NPAT: variants seen among roughly 807,000 people sequenced by gnomAD.
The protein encoded by NPAT is nuclear protein, coactivator of histone transcription.
Under a neutral mutation model 130.7 loss-of-function variants are expected in NPAT, and 52 were observed. That is an observed-to-expected ratio of 0.40 (90% CI 0.32 to 0.50). NPAT has a LOEUF of 0.50. Ranked by LOEUF, NPAT falls within the 20% of genes least tolerant of loss-of-function variation. The pLI, the probability that NPAT is intolerant of heterozygous loss-of-function variation, is 0.68. For synonymous variants in NPAT, 580 were observed against 584.8 expected, an observed-to-expected ratio of 0.99 and a Z score of 0.12; for missense variants, 1,687 against 1,662.6, an observed-to-expected ratio of 1.01 and a Z score of -0.26.
chr11:108,177,719 C>G (rs1026080597), intron 10 of NPAT, among the ~76,000 whole-genome samples: 9 of 151,184 alleles, frequency 6.0e-5, no homozygotes, highest in African/African-American at 1.9e-4. Context: ...ATAAAGTTCC[C>G]TTTTTTTTTG....
chr11:108,213,400 T>C (rs79240156), intron 1 of NPAT, among the ~76,000 whole-genome samples: 10 of 152,348 alleles, frequency 6.6e-5, no homozygotes, highest in African/African-American at 2.4e-4. Flanking sequence ...AAGAATGCAA[T>C]GCTAGTTACA....
chr11:108,159,732 C>T (rs910086761), intron 17 of NPAT, among the ~76,000 whole-genome samples: 5 of 152,068 alleles, frequency 3.3e-5, no homozygotes, highest in African/African-American at 9.7e-5. Context: ...AACATAAGGC[C>T]AGGCGCAGTG....
intron 6 of NPAT, 63 bp downstream of exon 6, chr11:108,189,043 A>AT: frequency 5.5e-6 from 7 of 1,273,652 alleles, no homozygotes; most frequent in Non-Finnish European, 6.8e-6. Flanking sequence ...AGACATTAGT[A>AT]TATTATCTCA....
chr11:108,194,099 C>A, intron 2 of NPAT, 82 bp from the exon 3 acceptor site: 1 of 801,400 alleles, frequency 1.2e-6, no homozygotes, highest in Non-Finnish European at 2.1e-6. Flanking sequence ...TACCATTCAA[C>A]TTAATAAAAG....
At chr11:108,217,995 GAAAT>G (rs913674203) in intron 1 of NPAT, among the ~76,000 whole-genome samples, 2 of 151,990 alleles carry the variant, frequency 1.3e-5, no homozygotes, top group African/African-American at 4.8e-5. Flanking sequence ...TCTGTCTCAA[GAAAT>G]AAATAAATAA....
intron 4 of NPAT, 92 bp downstream of exon 4, chr11:108,192,026 T>G: frequency 1.1e-6 from 1 of 876,534 alleles, no homozygotes; most frequent in Non-Finnish European, 2.0e-6. Context: ...GGATGAGTGT[T>G]ATATAAGTAC....
chr11:108,195,758 GC>G (rs2078213648), intron 2 of NPAT, among the ~76,000 whole-genome samples: 1 of 152,088 alleles, frequency 6.6e-6, no homozygotes, highest in Admixed American at 6.6e-5. Context: ...CTCCCAAGCA[GC>G]TGGGACTAAG....
intron 1 of NPAT, among the ~76,000 whole-genome samples, chr11:108,200,013 A>G (rs762990555): frequency 2.2e-4 from 33 of 152,246 alleles, no homozygotes; most frequent in Non-Finnish European, 3.8e-4. Context: ...AGTGTAATTC[A>G]GAACAACTTG....
intron 15 of NPAT, 105 bp downstream of exon 15, chr11:108,169,639 T>C: frequency 1.2e-6 from 1 of 838,036 alleles, no homozygotes. Context: ...GGTGATCACT[T>C]GTTTTAAAAT....
In NPAT at chr11:108,185,250, A is replaced by C. The variant is rs1366069252; in HGVS notation, c.888T>G (p.Asp296Glu). The C allele has an allele frequency of 6.2e-7, 1 of 1,611,692 alleles. No individual in the cohort carries two copies. Among genetic ancestry groups the C allele is most frequent in the South Asian group, 1.1e-5 (1 of 90,586 alleles). Residue 296 changes from aspartate (D) to glutamate (E), a missense_variant, in exon 10 of 18, where the codon GAT becomes GAG. This residue lies in a region of NPAT where 1,379 missense variants were observed against 1,346.6 expected (regional missense o/e 1.02). Coordinates refer to ENST00000278612, the MANE Select transcript of NPAT (RefSeq NM_002519.3). ...CCCATACCGGAAGTCCTAGGAATTCATCAATTGAAGTCTCTGGCTCCGTAG... is the reference window on the plus strand; with the variant it reads ...CCCATACCGGAAGTCCTAGGAATTCCTCAATTGAAGTCTCTGGCTCCGTAG... ...NNPTEPETSI[D>E]EFLGLPSEIH...
At chr11:108,211,220 A>G (rs1053347337) in intron 1 of NPAT, among the ~76,000 whole-genome samples, 1 of 152,044 alleles carries the variant, frequency 6.6e-6, no homozygotes, top group Non-Finnish European at 1.5e-5. Flanking sequence ...GTCTAAAAAA[A>G]AAAAGAAAAG....
intron 1 of NPAT, among the ~76,000 whole-genome samples, chr11:108,216,427 A>G (rs1191482867): frequency 6.6e-6 from 1 of 152,126 alleles, no homozygotes; most frequent in Non-Finnish European, 1.5e-5. Flanking sequence ...TTTATGCATA[A>G]ATCACAGATA....
chr11:108,204,685 C>T (rs982142793), intron 1 of NPAT, among the ~76,000 whole-genome samples: 3 of 152,228 alleles, frequency 2.0e-5, no homozygotes, highest in Non-Finnish European at 2.9e-5. Flanking sequence ...GGCCCAGGAG[C>T]CGCAAGCCAG....
rs4754307 is a variant in NPAT, at chr11:108,218,068, T to C, written c.37+4432A>G. ...TTATCAGTATAATACAAATCGTTAT[T>C]CTACAACTAATATTAGTTATTACTG... On this transcript the variant is annotated intron_variant, in intron 1 of 17. Coordinates refer to ENST00000278612, the MANE Select transcript of NPAT (RefSeq NM_002519.3). 6.4e-3 allele frequency among the ~76,000 whole-genome samples: 974 copies of C among 152,336 alleles called. 32 individuals are homozygous for C. The highest frequency in any genetic ancestry group is 0.058 in the Admixed American group (894 of 15,292).
At chr11:108,172,070 C>A in intron 13 of NPAT, 129 bp downstream of exon 13, 1 of 805,718 alleles carries the variant, frequency 1.2e-6, no homozygotes, top group South Asian at 1.5e-5. Flanking sequence ...GCAGCGTAAT[C>A]ACAAATTTCA....
rs533408029 is a variant in NPAT at position 108,160,837 on chromosome 11, GA to G, written c.4206+42del. The G allele has an allele frequency of 2.1e-5, 33 of 1,551,530 alleles. 1 individual carries two copies. Among genetic ancestry groups the G allele is most frequent in the South Asian group, 1.1e-4 (10 of 87,070 alleles). The stretch of plus-strand genomic sequence containing the variant: ...GCTGAATTCGCTAATCACTAAAGCG[GA>G]AAAAAAAGGTGTGGTTTTGAAATTA... On this transcript the variant is annotated intron_variant, in intron 17 of 17. Transcript: ENST00000278612.
chr11:108,208,517 G>A (rs1179228427), intron 1 of NPAT: 1 of 454,386 alleles, frequency 2.2e-6, no homozygotes, highest in Non-Finnish European at 4.4e-6. Flanking sequence ...GAGCCCAGGA[G>A]GTCGAGGCTG....
Position 108,192,046 on chromosome 11 carries a change from G to T in NPAT, c.290+72C>A, listed in dbSNP as rs1034453501. On this transcript the variant is annotated intron_variant, in intron 4 of 17. Transcript: ENST00000278612. ...AGTGTTATATAAGTACACTGTGTAG[G>T]TCTTAAGAAGATTTAAACCCAAAGT... is the stretch of plus-strand genomic sequence containing the variant. 12 of 992,012 alleles carry T rather than the reference G, an allele frequency of 1.2e-5. No homozygotes were observed. The Admixed American group carries it at 2.0e-4, about 17-fold the overall frequency. 61.5% of individuals were successfully genotyped at this position (992,012 alleles called of 1,614,324 possible).
At chr11:108,192,792 A>G (rs1364684780) in intron 3 of NPAT, among the ~76,000 whole-genome samples, 1 of 152,140 alleles carries the variant, frequency 6.6e-6, no homozygotes, top group Middle Eastern at 3.2e-3. Context: ...TGTCTCTACT[A>G]AAAACACAAA....
Sources: gnomAD v4.1 joint callset for allele counts (sites outside exome capture counted in the v4.1 genomes callset) on GRCh38, gnomAD v4.1.1 for gene constraint, gnomAD v4.1.1 regional missense constraint, MANE v1.5 for transcripts, NCBI Gene and HGNC (gene_info 2026-07-23, HGNC 2026-07-21) for gene names.